TULP1: variants seen among roughly 807,000 people sequenced by gnomAD.
The protein encoded by TULP1 is tubby-related protein 1.
A neutral mutation model predicts 67.1 loss-of-function variants in TULP1; 50 were observed. The ratio of observed to expected loss-of-function variants is 0.75; its 90% CI spans 0.59 to 0.94. TULP1 has a LOEUF of 0.94. Among genes scored for constraint, TULP1 ranks in the 40% least tolerant of loss-of-function variants. The pLI is 0.00. For synonymous variants in TULP1, 297 were observed against 294.0 expected (o/e 1.01, Z -0.11); for missense variants, 746 against 734.1 (o/e 1.02, Z -0.19).
intron 14 of TULP1, 51 bp downstream of exon 14, chr6:35,499,929 AG>A: frequency 6.2e-7 from 1 of 1,606,518 alleles, no homozygotes; most frequent in Non-Finnish European, 8.5e-7. Context: ...AATGAAGGTC[AG>A]CATCCTGGGG....
rs1194847070 is a variant in TULP1 at position 35,498,868 on chromosome 6, C to G, written c.1496-408G>C. Reference sequence around the variant, plus strand: ...CCCCAGCTCCACCCCTTGACTAGCCCCTGGTTCCCTTCCTCAGCCTCACTG... The same window carrying G: ...CCCCAGCTCCACCCCTTGACTAGCCGCTGGTTCCCTTCCTCAGCCTCACTG... On this transcript the variant is annotated intron_variant, in intron 14 of 14. Transcript: ENST00000229771. This position sits in a 1 kb window ranked among gnomAD's most constrained non-coding sequence, Gnocchi z 6.7. 6.6e-6 allele frequency among the ~76,000 whole-genome samples: 1 copy of G among 152,164 alleles called. No homozygotes were observed. The highest frequency in any genetic ancestry group is 1.5e-5 in the Non-Finnish European group (1 of 68,026).
In TULP1 at chr6:35,507,907, T is replaced by A. The variant is rs749796710; in HGVS notation, c.822+1302A>T. On this transcript the variant is annotated intron_variant, in intron 8 of 14. Transcript: ENST00000229771. ...TCAGCTCGCTGCAGCCTCCACCTCC[T>A]GGGTTCAAGTGATTCTCCTGCCTCA... 1.1e-4 allele frequency among the ~76,000 whole-genome samples: 16 copies of A among 152,204 alleles called. 1 individual carries two copies. The highest frequency in any genetic ancestry group is 3.2e-3 in the Middle Eastern group (1 of 316).
intron 3 of TULP1, 38 bp downstream of exon 3, chr6:35,512,142 C>G: frequency 7.8e-7 from 1 of 1,279,094 alleles, no homozygotes; most frequent in Non-Finnish European, 1.0e-6. Context: ...CCGCAGCCCA[C>G]ACCCTGGGGG....
chr6:35,509,449 G>T (rs1212516343), intron 7 of TULP1, 137 bp from the exon 8 acceptor site: 2 of 1,093,614 alleles, frequency 1.8e-6, no homozygotes, highest in East Asian at 2.4e-5. Context: ...GCCCAAAAAG[G>T]CTAAGACACC....
At chr6:35,499,941 G>C in intron 14 of TULP1, 40 bp downstream of exon 14, 1 of 1,611,414 alleles carries the variant, frequency 6.2e-7, no homozygotes, top group South Asian at 1.1e-5. Context: ...CATCCTGGGG[G>C]TGGTGGAGAA....
chr6:35,506,053 C>A lies in TULP1; in HGVS notation c.949G>T (p.Asp317Tyr). The A allele has an allele frequency of 6.2e-7, 1 of 1,613,902 alleles. No individual in the cohort carries two copies. The highest frequency in any genetic ancestry group is 8.5e-7 in the Non-Finnish European group (1 of 1,180,044). ...AAGTAGGAGGGATACATGCCTCGATCCATGCCCTTTTTGTCCCGGGTCAGC... is the reference window on the plus strand; with the variant it reads ...AAGTAGGAGGGATACATGCCTCGATACATGCCCTTTTTGTCCCGGGTCAGC... Reference protein sequence around the residue: ...CRLTRDKKGMDRGMYPSYFLH... With the variant: ...CRLTRDKKGMYRGMYPSYFLH... The change falls in exon 10 of 15, where the codon GAT becomes TAT. Residue 317 changes from aspartate (D) to tyrosine (Y), a missense_variant. Physicochemically the swap from Asp to Tyr is radical, Grantham distance 160 (BLOSUM62 -3). Coordinates refer to ENST00000229771, the MANE Select transcript of TULP1 (RefSeq NM_003322.6).
At chr6:35,508,451 G>C (rs531308939) in intron 8 of TULP1, among the ~76,000 whole-genome samples, 2 of 152,242 alleles carry the variant, frequency 1.3e-5, no homozygotes, top group Non-Finnish European at 2.9e-5. Flanking sequence ...CCCTAGACCT[G>C]ACCACTCCTG....
chr6:35,498,610 C>T lies in TULP1; in HGVS notation c.1496-150G>A. The T allele has an allele frequency of 2.4e-6, 3 of 1,225,288 alleles. No homozygotes were observed. Among genetic ancestry groups the T allele is most frequent in the East Asian group, 2.5e-5 (1 of 39,358 alleles). The allele number at this position is 1,225,288 out of a possible 1,614,324, so 75.9% of individuals were successfully genotyped here. A position where few individuals can be genotyped will look rare whatever the true frequency, so the allele number is the denominator to read the frequency against. ...CTCAGTTACTCAACACCCATCCCTT[C>T]TTCTATCTCACTCCACACCAGCACC... On this transcript the variant is annotated intron_variant, in intron 14 of 14. Coordinates refer to ENST00000229771, the MANE Select transcript of TULP1 (RefSeq NM_003322.6). The surrounding 1 kb of genome is among the most constrained non-coding windows in gnomAD (Gnocchi z 6.7).
At chr6:35,509,981 G>C (rs543221972) in intron 5 of TULP1, 53 bp from the exon 6 acceptor site, 105 of 1,567,370 alleles carry the variant, frequency 6.7e-5, no homozygotes, top group Non-Finnish European at 5.8e-5. Flanking sequence ...GGGGCTGAAG[G>C]CTGCCTTCCA....
chr6:35,505,627 G>A (rs1761063706), intron 11 of TULP1, 114 bp downstream of exon 11: 7 of 1,553,426 alleles, frequency 4.5e-6, no homozygotes, highest in Non-Finnish European at 6.1e-6. Context: ...GCTAGGGGAC[G>A]TTTCCAGGGT....
At chr6:35,509,989 C>T in intron 5 of TULP1, 61 bp from the exon 6 acceptor site, 1 of 1,525,758 alleles carries the variant, frequency 6.6e-7, no homozygotes, top group East Asian at 2.2e-5. Flanking sequence ...AGGCTGCCTT[C>T]CAACCCTCTT....
Position 35,498,111 on chromosome 6 carries a change from T to C in TULP1, c.*216A>G. ...CCAGATGTGCGGCTCCAACTCCAGATGTTCTTCATCTCCGTCCTACCCGCC... is the reference window on the plus strand; with the variant it reads ...CCAGATGTGCGGCTCCAACTCCAGACGTTCTTCATCTCCGTCCTACCCGCC... On this transcript the variant is annotated 3_prime_UTR_variant, in exon 15 of 15. Coordinates refer to ENST00000229771, the MANE Select transcript of TULP1 (RefSeq NM_003322.6). The surrounding 1 kb of genome is among the most constrained non-coding windows in gnomAD (Gnocchi z 6.7). The C allele has an allele frequency of 1.4e-6, 1 of 722,490 alleles. No homozygotes were observed. The allele number at this position is 722,490 out of a possible 1,614,324, so 44.8% of individuals were successfully genotyped here.
At chr6:35,502,925 T>C (rs183871658) in intron 13 of TULP1, among the ~76,000 whole-genome samples, 1 of 151,900 alleles carries the variant, frequency 6.6e-6, no homozygotes, top group African/African-American at 2.4e-5. Flanking sequence ...AGAGCTTTGG[T>C]TTTTTTGTTT....
chr6:35,510,789 G>A, intron 5 of TULP1, 72 bp downstream of exon 5: 3 of 1,607,904 alleles, frequency 1.9e-6, no homozygotes, highest in South Asian at 1.1e-5. Context: ...GTGTCTCAGT[G>A]AGACGCCAAG....
At chr6:35,510,641 G>T in intron 5 of TULP1, 1 of 908,724 alleles carries the variant, frequency 1.1e-6, no homozygotes, top group Non-Finnish European at 1.6e-6. Flanking sequence ...GCCTCACAGA[G>T]CTCAAGGGGC....
chr6:35,512,132 C>T, intron 3 of TULP1, 48 bp downstream of exon 3: 1 of 1,204,156 alleles, frequency 8.3e-7, no homozygotes, highest in African/African-American at 1.6e-5. Flanking sequence ...CCCCTCCCTT[C>T]CGCAGCCCAC....
chr6:35,512,892 G>C lies in TULP1; in HGVS notation c.-34C>G, dbSNP rs748345119. ...TGCCTATCGCACCCCTTTCTCTGCA[G>C]GTCTAGGAGCCTCCCTCCCGACTCC... is the stretch of plus-strand genomic sequence containing the variant. On this transcript the variant is annotated 5_prime_UTR_variant, in exon 1 of 15. Coordinates refer to ENST00000229771, the MANE Select transcript of TULP1 (RefSeq NM_003322.6). 1.2e-6 allele frequency: 2 copies of C among 1,610,998 alleles called. No individual in the cohort carries two copies. Among genetic ancestry groups the C allele is most frequent in the South Asian group, 2.2e-5 (2 of 90,942 alleles).
chr6:35,501,529 A>AAAAAAT (rs57326453), intron 13 of TULP1, among the ~76,000 whole-genome samples: 1 of 148,176 alleles, frequency 6.7e-6, no homozygotes. Context: ...AAAAAAAAAA[A>AAAAAAT]GGCTGGGCAC....
chr6:35,502,688 G>A (rs960489174), intron 13 of TULP1, among the ~76,000 whole-genome samples: 13 of 151,888 alleles, frequency 8.6e-5, no homozygotes, highest in South Asian at 8.3e-4. Context: ...TAGTAGAGAC[G>A]GGGTTTAGCC....
Sources: allele counts gnomAD v4.1 joint callset (sites outside exome capture counted in the v4.1 genomes callset), GRCh38; gene constraint gnomAD v4.1.1; non-coding constraint Gnocchi (gnomAD v3.1); transcripts MANE v1.5; gene names NCBI Gene and HGNC (gene_info 2026-07-23, HGNC 2026-07-21).